RBMS2: variants seen among roughly 807,000 people sequenced by gnomAD.
RBMS2 encodes the protein RNA binding motif single stranded interacting protein 2.
RBMS2 carries 38 observed loss-of-function variants against 58.4 expected under a neutral mutation model. The ratio of observed to expected loss-of-function variants is 0.65; its 90% CI spans 0.50 to 0.85. RBMS2 has a LOEUF of 0.85. Among genes scored for constraint, RBMS2 ranks in the 40% least tolerant of loss-of-function variants. The pLI is 0.00. For missense variants in RBMS2, 367 were observed against 503.7 expected, an observed-to-expected ratio of 0.73 and a Z score of 2.60; for synonymous variants, 151 against 180.7, an observed-to-expected ratio of 0.84 and a Z score of 1.32.
chr12:56,527,155 T>C (rs774211), intron 1 of RBMS2, among the ~76,000 whole-genome samples: 19,294 of 152,214 alleles, frequency 0.13, 1,454 homozygotes, highest in Middle Eastern at 0.18. Flanking sequence ...ACTTAGTACT[T>C]CTAACAGGAT....
intron 5 of RBMS2, among the ~76,000 whole-genome samples, chr12:56,576,623 T>C (rs373918688): frequency 2.0e-4 from 31 of 152,324 alleles, no homozygotes; most frequent in African/African-American, 7.5e-4. Context: ...CTATTCCATT[T>C]CTCTATAGAA....
intron 1 of RBMS2, among the ~76,000 whole-genome samples, chr12:56,536,187 T>G (rs1874769362): frequency 3.9e-5 from 4 of 103,416 alleles, no homozygotes; most frequent in Admixed American, 1.5e-4. Context: ...GTGACAAGAG[T>G]GAAACTCTGT....
At chr12:56,582,828 C>G (rs1884152416) in intron 9 of RBMS2, among the ~76,000 whole-genome samples, 1 of 152,150 alleles carries the variant, frequency 6.6e-6, no homozygotes, top group South Asian at 2.1e-4. Context: ...GCCACCACGC[C>G]CAGCTAATTT....
At chr12:56,543,679 G>A (rs1167186181) in intron 1 of RBMS2, among the ~76,000 whole-genome samples, 2 of 150,092 alleles carry the variant, frequency 1.3e-5, no homozygotes, top group African/African-American at 2.4e-5. Flanking sequence ...TTTTGGAGGC[G>A]GGGGTGGAGT....
intron 1 of RBMS2, among the ~76,000 whole-genome samples, chr12:56,536,438 G>A (rs374452927): frequency 6.6e-6 from 1 of 150,818 alleles, no homozygotes; most frequent in Non-Finnish European, 1.5e-5. Flanking sequence ...CTTCTTGAAA[G>A]AGTAGTCCAT....
At position 56,589,784 on chromosome 12, in the gene RBMS2, T is replaced by C. The variant is rs1421794352; in HGVS notation, c.*651T>C. 6.5e-6 allele frequency: 1 copy of C among 152,720 alleles called. No homozygotes were observed. Among genetic ancestry groups the C allele is most frequent in the African/African-American group, 2.4e-5 (1 of 41,468 alleles). 9.5% of individuals were successfully genotyped at this position (152,720 alleles called of 1,614,324 possible). A position where few individuals can be genotyped will look rare whatever the true frequency, so the allele number is the denominator to read the frequency against. The stretch of plus-strand genomic sequence containing the variant: ...CTTCTTTTTCTCTTTTCTAAACAGC[T>C]GAGCCTGCCTACTTTGCCCTTTTAC... On this transcript the variant is annotated 3_prime_UTR_variant, in exon 14 of 14. Coordinates refer to ENST00000262031, the MANE Select transcript of RBMS2 (RefSeq NM_002898.4).
upstream of RBMS2, among the ~76,000 whole-genome samples, chr12:56,521,731 A>C (rs543434155): frequency 2.8e-5 from 4 of 140,806 alleles, no homozygotes; most frequent in East Asian, 2.0e-4. Context: ...AAAAACAAAC[A>C]AAAAAAAACA....
chr12:56,523,544 C>T (rs1872129184), intron 1 of RBMS2, among the ~76,000 whole-genome samples: 1 of 152,102 alleles, frequency 6.6e-6, no homozygotes, highest in Non-Finnish European at 1.5e-5. Flanking sequence ...CTTGGGAGGC[C>T]AAGGTGGGTG....
At chr12:56,581,346 CCTGGGCCACATGAGGTGGGA>C (rs1883916764) in intron 6 of RBMS2, 33 bp from the exon 7 acceptor site, 4 of 1,595,678 alleles carry the variant, frequency 2.5e-6, no homozygotes. Context: ...CATGACTGTG[CCTGGGCCACATGAGGTGGGA>C]CTCAGCTGCC....
At chr12:56,573,474 C>A (rs11171897) in intron 5 of RBMS2, among the ~76,000 whole-genome samples, 2 of 41,114 alleles carry the variant, frequency 4.9e-5, no homozygotes, top group African/African-American at 1.5e-4. Context: ...GAGACGCCAT[C>A]TCAAAAAAAA....
At chr12:56,562,996 G>A (rs1238798093) in intron 2 of RBMS2, among the ~76,000 whole-genome samples, 1 of 152,130 alleles carries the variant, frequency 6.6e-6, no homozygotes, top group African/African-American at 2.4e-5. Context: ...GGTGGCGGGT[G>A]CCTGTAGTCC....
rs1157454652 is a variant in RBMS2, at chr12:56,590,381, A to G, written c.*1248A>G. On this transcript the variant is annotated 3_prime_UTR_variant, in exon 14 of 14. Transcript: ENST00000262031. ...CTCAGGCCTTTGGCAACATCTAGAGACAGTTTTGATTGCCACGCCTGGAGG... is the reference window on the plus strand; with the variant it reads ...CTCAGGCCTTTGGCAACATCTAGAGGCAGTTTTGATTGCCACGCCTGGAGG... 1 of 152,024 alleles carries G rather than the reference A, an allele frequency of 6.6e-6. No individual in the cohort carries two copies. Among genetic ancestry groups the G allele is most frequent in the Non-Finnish European group, 1.5e-5 (1 of 68,028 alleles). The allele number at this position is 152,024 out of a possible 1,614,324, so 9.4% of individuals were successfully genotyped here.
chr12:56,576,788 A>C (rs896199233), intron 5 of RBMS2, among the ~76,000 whole-genome samples: 2 of 152,060 alleles, frequency 1.3e-5, no homozygotes, highest in Non-Finnish European at 2.9e-5. Flanking sequence ...CCTGTATAAT[A>C]CCAGCACTTT....
intron 9 of RBMS2, among the ~76,000 whole-genome samples, chr12:56,584,432 A>C (rs1301263923): frequency 1.5e-5 from 2 of 137,504 alleles, no homozygotes; most frequent in Non-Finnish European, 3.2e-5. Flanking sequence ...ACCATGTCTC[A>C]AAAAAAAAAA....
chr12:56,522,207 A>C (rs960777479), intron 1 of RBMS2, 118 bp downstream of exon 1: 4 of 762,662 alleles, frequency 5.2e-6, no homozygotes, highest in Non-Finnish European at 8.4e-6. Flanking sequence ...AAGATTCCTA[A>C]TTCCTCACCG....
intron 1 of RBMS2, among the ~76,000 whole-genome samples, chr12:56,535,752 A>C (rs552844525): frequency 6.6e-6 from 1 of 152,256 alleles, no homozygotes; most frequent in East Asian, 1.9e-4. Context: ...GTAAATGGCA[A>C]CTTCATTCTT....
At chr12:56,542,530 C>CTTTTTTTTTTTTTTTTTTTTTTTTTTTTT (rs11295563) in intron 1 of RBMS2, among the ~76,000 whole-genome samples, 1 of 124,302 alleles carries the variant, frequency 8.0e-6, no homozygotes, top group African/African-American at 3.0e-5. Context: ...CCTGTGTTTC[C>CTTTTTTTTTTTTTTTTTTTTTTTTTTTTT]TTTTTTTTTT....
chr12:56,557,320 T>A (rs974765277), intron 1 of RBMS2, among the ~76,000 whole-genome samples: 1 of 152,220 alleles, frequency 6.6e-6, no homozygotes, highest in African/African-American at 2.4e-5. Flanking sequence ...TAAGCTTTAC[T>A]TAGGGGCTTT....
intron 1 of RBMS2, among the ~76,000 whole-genome samples, chr12:56,544,754 A>ATTTTTTTTTTTTTTTTTTT (rs537510847): frequency 8.6e-6 from 1 of 116,076 alleles, no homozygotes; most frequent in Admixed American, 1.1e-4. Flanking sequence ...CTAATTTTTA[A>ATTTTTTTTTTTTTTTTTTT]TTTTTTTTTT....
Sources: allele counts gnomAD v4.1 joint callset (sites outside exome capture counted in the v4.1 genomes callset), GRCh38; gene constraint gnomAD v4.1.1; transcripts MANE v1.5; gene names NCBI Gene and HGNC (gene_info 2026-07-23, HGNC 2026-07-21).